The following FER variants were observed in gnomAD, a reference collection of about 807,000 sequenced individuals.
FER encodes tyrosine-protein kinase Fer.
FER carries 63 observed loss-of-function variants against 111.0 expected under a neutral mutation model. That is an observed-to-expected ratio of 0.57 (90% CI 0.46 to 0.70). FER has a LOEUF of 0.70. Ranked by LOEUF, FER falls within the 30% of genes least tolerant of loss-of-function variation. FER has a pLI of 0.00. For missense variants in FER, 914 were observed against 954.0 expected, an observed-to-expected ratio of 0.96 and a Z score of 0.55; for synonymous variants, 327 against 313.9, an observed-to-expected ratio of 1.04 and a Z score of -0.44.
chr5:109,130,094 A>G (rs1582169861), intron 17 of FER, among the ~76,000 whole-genome samples: 1 of 151,612 alleles, frequency 6.6e-6, no homozygotes, highest in African/African-American at 2.4e-5. Context: ...GCTTCCTTTC[A>G]TAGTGATTCA....
intron 16 of FER, among the ~76,000 whole-genome samples, chr5:109,066,331 G>C (rs1273264580): frequency 1.3e-5 from 2 of 152,132 alleles, no homozygotes; most frequent in Non-Finnish European, 2.9e-5. Flanking sequence ...AATAGGATGA[G>C]AGACTCAAAT....
At chr5:108,844,008 A>G (rs1180173241) in intron 5 of FER, among the ~76,000 whole-genome samples, 6 of 150,348 alleles carry the variant, frequency 4.0e-5, no homozygotes, top group African/African-American at 1.5e-4. Flanking sequence ...CTATGTATAT[A>G]TATATGTGTG....
At chr5:108,972,815 T>A (rs1760843115) in intron 13 of FER, among the ~76,000 whole-genome samples, 1 of 152,230 alleles carries the variant, frequency 6.6e-6, no homozygotes, top group Non-Finnish European at 1.5e-5. Flanking sequence ...GGGCTTTGTT[T>A]ACATTTATGT....
chr5:108,811,142 G>A (rs1051214694), intron 3 of FER, among the ~76,000 whole-genome samples: 3 of 151,864 alleles, frequency 2.0e-5, no homozygotes, highest in African/African-American at 7.3e-5. Flanking sequence ...GCAAGTGGGT[G>A]CTCTGAATGC....
chr5:108,754,334 G>A (rs1230442354), intron 1 of FER, among the ~76,000 whole-genome samples: 1 of 149,582 alleles, frequency 6.7e-6, no homozygotes, highest in Non-Finnish European at 1.5e-5. Context: ...TTGAGCCCAG[G>A]AGTTCAATAC....
chr5:108,997,241 T>TAAA (rs777216661), intron 13 of FER, among the ~76,000 whole-genome samples: 2,000 of 133,212 alleles, frequency 0.015, 21 homozygotes, highest in Middle Eastern at 0.024. Flanking sequence ...CCGTCTCTAC[T>TAAA]AAAAAAAAAA....
At chr5:109,184,953 C>A (rs575632399) in intron 18 of FER, among the ~76,000 whole-genome samples, 35 of 152,078 alleles carry the variant, frequency 2.3e-4, no homozygotes, top group African/African-American at 6.3e-4. Flanking sequence ...AGACAGGAAA[C>A]CACATGAGGG....
At chr5:108,845,016 A>ATG (rs1561502811) in intron 5 of FER, among the ~76,000 whole-genome samples, 15 of 52,754 alleles carry the variant, frequency 2.8e-4, no homozygotes, top group Admixed American at 5.2e-4. Context: ...ATATATATAT[A>ATG]TATATATATA....
chr5:109,019,083 G>C (rs1767584598), intron 13 of FER, among the ~76,000 whole-genome samples: 1 of 151,338 alleles, frequency 6.6e-6, no homozygotes, highest in Non-Finnish European at 1.5e-5. Context: ...TTTTTTTCCA[G>C]AGGGGTTTGA....
At chr5:108,785,190 A>C (rs957141980) in intron 2 of FER, 11 of 626,164 alleles carry the variant, frequency 1.8e-5, no homozygotes, top group African/African-American at 1.5e-4. Context: ...GGTTATCTGA[A>C]CACTGTGACT....
At chr5:108,824,850 G>T (rs924472548) in intron 3 of FER, among the ~76,000 whole-genome samples, 1 of 151,942 alleles carries the variant, frequency 6.6e-6, no homozygotes, top group African/African-American at 2.4e-5. Context: ...CCTAAGCGTC[G>T]GCTGGCTTGA....
At chr5:109,159,779 T>C (rs1755802171) in intron 17 of FER, among the ~76,000 whole-genome samples, 1 of 152,180 alleles carries the variant, frequency 6.6e-6, no homozygotes, top group African/African-American at 2.4e-5. Flanking sequence ...AGGCACAGAC[T>C]AGAGTCTGCG....
At chr5:109,138,055 C>A (rs756888885) in intron 17 of FER, among the ~76,000 whole-genome samples, 2 of 152,032 alleles carry the variant, frequency 1.3e-5, no homozygotes, top group South Asian at 2.1e-4. Flanking sequence ...TCTGTCATAT[C>A]GGAACTAAAG....
At chr5:109,079,489 A>G (rs1402641807) in intron 16 of FER, among the ~76,000 whole-genome samples, 2 of 152,152 alleles carry the variant, frequency 1.3e-5, no homozygotes, top group East Asian at 3.8e-4. Context: ...ATGGTGCCAT[A>G]TTAGACCATA....
chr5:108,942,969 A>G (rs1756477811), intron 10 of FER, among the ~76,000 whole-genome samples: 2 of 152,178 alleles, frequency 1.3e-5, no homozygotes, highest in Admixed American at 1.3e-4. Flanking sequence ...TACAGAGCCA[A>G]ATAATCACTT....
rs191972408 is a variant in FER, at chr5:109,092,574, G to A, written c.1925-7822G>A. On this transcript the variant is annotated intron_variant, in intron 16 of 19. Transcript: ENST00000281092. ...CACAATAAGGTATTACTTTACATCT[G>A]TTAGGATGGCCACTATAAAAAAAGT... 2.5e-3 allele frequency among the ~76,000 whole-genome samples: 378 copies of A among 152,196 alleles called. 2 individuals are homozygous for A. Among genetic ancestry groups the A allele is most frequent in the African/African-American group, 8.7e-3 (361 of 41,542 alleles).
At chr5:108,939,868 G>A (rs1195178039) in intron 10 of FER, among the ~76,000 whole-genome samples, 7 of 152,066 alleles carry the variant, frequency 4.6e-5, no homozygotes, top group Admixed American at 6.6e-5. Flanking sequence ...TCTGATAAGA[G>A]TATTATTGAT....
chr5:108,779,552 A>G (rs773137280), intron 2 of FER, among the ~76,000 whole-genome samples: 7 of 152,152 alleles, frequency 4.6e-5, no homozygotes, highest in Admixed American at 6.5e-5. Flanking sequence ...GAGGCTACCA[A>G]TATAAATGTT....
intron 16 of FER, among the ~76,000 whole-genome samples, chr5:109,076,058 A>C (rs1333869217): frequency 6.6e-6 from 1 of 152,084 alleles, no homozygotes; most frequent in Non-Finnish European, 1.5e-5. Context: ...TTATCAGTCT[A>C]TATTTTTCCG....
Sources: allele counts gnomAD v4.1 joint callset (sites outside exome capture counted in the v4.1 genomes callset), GRCh38; gene constraint gnomAD v4.1.1; transcripts MANE v1.5; gene names NCBI Gene and HGNC (gene_info 2026-07-23, HGNC 2026-07-21).